The following CCDC178 variants were observed in gnomAD, a reference collection of about 807,000 sequenced individuals.
CCDC178 encodes coiled-coil domain containing 178, also known as coiled-coil domain-containing protein 178.
A neutral mutation model predicts 117.4 loss-of-function variants in CCDC178; 126 were observed. The observed-to-expected ratio is 1.07, with a 90% CI of 0.93 to 1.24. The LOEUF is 1.24. Among genes scored for constraint, CCDC178 ranks in the 50% most tolerant of loss-of-function variants. The pLI is 0.00. For synonymous variants in CCDC178, 283 were observed against 313.4 expected (o/e 0.90, Z 1.02); for missense variants, 1,030 against 986.9 (o/e 1.04, Z -0.59).
At chr18:33,184,404 G>A (rs796601851) in intron 20 of CCDC178, among the ~76,000 whole-genome samples, 8 of 152,092 alleles carry the variant, frequency 5.3e-5, no homozygotes, top group African/African-American at 1.7e-4. Flanking sequence ...CTATGACTCA[G>A]TGTTTCAGAT....
intron 11 of CCDC178, among the ~76,000 whole-genome samples, chr18:33,312,151 T>C (rs1193356978): frequency 3.9e-5 from 6 of 152,144 alleles, no homozygotes; most frequent in Non-Finnish European, 8.8e-5. Flanking sequence ...TGGTAACTAA[T>C]TCTTATATTC....
rs564007803 is a variant in CCDC178, at chr18:33,359,857, C to G, written c.349-3511G>C. Among the ~76,000 whole-genome samples, 3 of 151,354 alleles carry G rather than the reference C, an allele frequency of 2.0e-5. No homozygotes were observed. In the East Asian group the frequency reaches 5.9e-4, roughly 30 times the overall value. ...AATGAAACACTTCATTTACTTACAG[C>G]TCTAAGCCACATTGCCCACAAACTT... On this transcript the variant is annotated intron_variant, in intron 6 of 22. Transcript: ENST00000383096.
chr18:33,117,587 G>A (rs1163416745), intron 20 of CCDC178, among the ~76,000 whole-genome samples: 2 of 151,938 alleles, frequency 1.3e-5, no homozygotes, highest in Non-Finnish European at 2.9e-5. Context: ...GGGGGAGCGG[G>A]GAGAGGGATA....
intron 11 of CCDC178, among the ~76,000 whole-genome samples, chr18:33,320,359 A>C (rs898721395): frequency 6.6e-5 from 10 of 152,188 alleles, no homozygotes; most frequent in South Asian, 6.2e-4. Flanking sequence ...GTTTCAGCCC[A>C]AAATCTCCTT....
chr18:32,946,405 AT>A (rs982704740), intron 22 of CCDC178, among the ~76,000 whole-genome samples: 1 of 152,244 alleles, frequency 6.6e-6, no homozygotes, highest in Non-Finnish European at 1.5e-5. Flanking sequence ...GAGAAATATC[AT>A]TTGACAAATA....
At chr18:33,136,726 C>A (rs2058131802) in intron 20 of CCDC178, among the ~76,000 whole-genome samples, 1 of 152,014 alleles carries the variant, frequency 6.6e-6, no homozygotes. Context: ...TTGGTGCTAT[C>A]CTATTTTTTC....
chr18:33,290,485 T>C (rs1199856626), intron 12 of CCDC178, among the ~76,000 whole-genome samples: 1 of 152,156 alleles, frequency 6.6e-6, no homozygotes, highest in Non-Finnish European at 1.5e-5. Context: ...TAAACAGAGA[T>C]AGATCATGGG....
intron 3 of CCDC178, among the ~76,000 whole-genome samples, chr18:33,407,060 G>C (rs1437515363): frequency 1.3e-5 from 2 of 152,164 alleles, no homozygotes; most frequent in African/African-American, 2.4e-5. Context: ...TCTTCTGAAT[G>C]AGTCGCATGG....
intron 8 of CCDC178, among the ~76,000 whole-genome samples, chr18:33,347,819 T>C (rs2062917570): frequency 6.6e-6 from 1 of 152,068 alleles, no homozygotes; most frequent in Non-Finnish European, 1.5e-5. Context: ...GCCGTATAGG[T>C]AACTTGAGAT....
chr18:33,344,197 G>A, intron 9 of CCDC178, among the ~76,000 whole-genome samples: 1 of 150,352 alleles, frequency 6.7e-6, no homozygotes, highest in Non-Finnish European at 1.5e-5. Context: ...CCAGCTACTC[G>A]GGAGGCTGAG....
At chr18:33,396,104 G>A (rs1254984486) in intron 4 of CCDC178, among the ~76,000 whole-genome samples, 1 of 151,958 alleles carries the variant, frequency 6.6e-6, no homozygotes, top group Non-Finnish European at 1.5e-5. Context: ...AAAAATCAAT[G>A]TGAAAAAAGA....
At chr18:33,221,405 G>GAGAT (rs1369712417) in intron 18 of CCDC178, among the ~76,000 whole-genome samples, 2 of 152,030 alleles carry the variant, frequency 1.3e-5, no homozygotes, top group East Asian at 3.9e-4. Flanking sequence ...AAGAGGGAAA[G>GAGAT]AGATAGATGG....
At chr18:32,986,332 T>C (rs1026034950) in intron 21 of CCDC178, among the ~76,000 whole-genome samples, 1 of 151,940 alleles carries the variant, frequency 6.6e-6, no homozygotes, top group Non-Finnish European at 1.5e-5. Flanking sequence ...AAGCCTAGAG[T>C]AGAGCTGAGG....
chr18:33,244,589 G>A (rs1185145765), intron 15 of CCDC178, among the ~76,000 whole-genome samples: 4 of 151,818 alleles, frequency 2.6e-5, no homozygotes, highest in Non-Finnish European at 1.5e-5. Context: ...GGTGCCTTCT[G>A]CCATAATTGT....
rs1244028123 is a variant in CCDC178, at chr18:33,351,197, GTTTC to G, written c.372-2226_372-2223del. On this transcript the variant is annotated intron_variant, in intron 7 of 22. Coordinates refer to ENST00000383096, the MANE Select transcript of CCDC178 (RefSeq NM_001105528.4). ...GTGTGTGTGTGTATAGTTTTTGTTT[GTTTC>G]TTTGTTTTTTTGAGACAAAGTCTCA... Among the ~76,000 whole-genome samples, 13 of 146,052 alleles carry G rather than the reference GTTTC, an allele frequency of 8.9e-5. No individual in the cohort carries two copies. In the East Asian group the frequency reaches 2.4e-3, roughly 27 times the overall value.
At chr18:33,254,251 A>AACACACACACACAC (rs34689445) in intron 14 of CCDC178, among the ~76,000 whole-genome samples, 2 of 135,384 alleles carry the variant, frequency 1.5e-5, no homozygotes, top group African/African-American at 5.5e-5. Context: ...TCTATTGAGA[A>AACACACACACACAC]ACACACACAC....
chr18:33,098,628 CAT>C (rs2057579290), intron 20 of CCDC178, among the ~76,000 whole-genome samples: 1 of 152,036 alleles, frequency 6.6e-6, no homozygotes, highest in South Asian at 2.1e-4. Flanking sequence ...ACTTCAGTCT[CAT>C]GGATGGAAAG....
intron 21 of CCDC178, among the ~76,000 whole-genome samples, chr18:33,085,502 G>A (rs2057366684): frequency 6.6e-6 from 1 of 152,170 alleles, no homozygotes; most frequent in Non-Finnish European, 1.5e-5. Context: ...GGCGGAGCTT[G>A]CAGTGAGCCG....
At chr18:33,202,661 C>T (rs1009853558) in intron 20 of CCDC178, among the ~76,000 whole-genome samples, 3 of 152,140 alleles carry the variant, frequency 2.0e-5, no homozygotes, top group African/African-American at 4.8e-5. Flanking sequence ...TTTTTTGTGA[C>T]TTTTATCTGC....
Sources: gnomAD v4.1 joint callset for allele counts (sites outside exome capture counted in the v4.1 genomes callset) on GRCh38, gnomAD v4.1.1 for gene constraint, MANE v1.5 for transcripts, NCBI Gene and HGNC (gene_info 2026-07-23, HGNC 2026-07-21) for gene names.